ZNF407: variants seen among roughly 807,000 people sequenced by gnomAD.
ZNF407 encodes zinc finger protein 407.
A neutral mutation model predicts 131.2 loss-of-function variants in ZNF407; 17 were observed. That is an observed-to-expected ratio of 0.13 (90% CI 0.09 to 0.19). ZNF407 has a LOEUF of 0.19. ZNF407 is among the 10% of genes least tolerant of loss of function. ZNF407 has a pLI of 1.00. For missense variants in ZNF407, 2,681 were observed against 2,830.6 expected (o/e 0.95, Z 1.20); for synonymous variants, 1,156 against 1,062.0 (o/e 1.09, Z -1.72).
At chr18:74,908,912 T>C (rs1971631466) in intron 7 of ZNF407, among the ~76,000 whole-genome samples, 1 of 152,130 alleles carries the variant, frequency 6.6e-6, no homozygotes, top group African/African-American at 2.4e-5. Context: ...AATTTATAAA[T>C]CATAATTAAT....
At chr18:75,031,097 A>C (rs1973234679) in intron 8 of ZNF407, among the ~76,000 whole-genome samples, 29 of 152,306 alleles carry the variant, frequency 1.9e-4, no homozygotes, top group South Asian at 1.5e-3. Flanking sequence ...CAGTTCACTC[A>C]CCTGCAAGAC....
rs1489370855 is a variant in ZNF407 at position 75,064,210 on chromosome 18, C to T, written c.6489C>T (p.Phe2163=). ...TGGTGCAGGAGTCCAGTGGCGGCTT[C>T]TCCGAGGGCACCACGCACTACATCC... ...QAMVQESSGG[F]SEGTTHYILT... is the part of the protein sequence containing the mutation. The change falls in exon 9 of 9, where the codon TTC becomes TTT. Residue 2163 remains phenylalanine (F), a synonymous_variant. Coordinates refer to ENST00000299687, the MANE Select transcript of ZNF407 (RefSeq NM_017757.3). 3 of 1,605,632 alleles carry T rather than the reference C, an allele frequency of 1.9e-6. No individual in the cohort carries two copies. The highest frequency in any genetic ancestry group is 1.7e-5 in the Admixed American group (1 of 59,144).
intron 4 of ZNF407, among the ~76,000 whole-genome samples, chr18:74,835,669 A>T: frequency 8.6e-6 from 1 of 116,878 alleles, no homozygotes; most frequent in Admixed American, 8.9e-5. Flanking sequence ...TGTGTGTGTA[A>T]ATGGAGAGGG....
At chr18:75,023,015 T>A (rs1005561160) in intron 8 of ZNF407, among the ~76,000 whole-genome samples, 13 of 152,180 alleles carry the variant, frequency 8.5e-5, no homozygotes, top group Admixed American at 8.5e-4. Context: ...ACGAACGAGA[T>A]CATGTCCTTT....
chr18:74,616,400 G>A (rs1332903725), intron 1 of ZNF407, among the ~76,000 whole-genome samples: 1 of 152,082 alleles, frequency 6.6e-6, no homozygotes, highest in Non-Finnish European at 1.5e-5. Context: ...ACTGCTAAGT[G>A]GAGTAAAGGT....
In ZNF407 at chr18:74,632,514, G is replaced by T. The variant is rs754359640; in HGVS notation, c.1495G>T (p.Ala499Ser). The change falls in exon 2 of 9, where the codon GCA becomes TCA. Residue 499 changes from alanine to serine, a missense_variant. Coordinates refer to ENST00000299687, the MANE Select transcript of ZNF407 (RefSeq NM_017757.3). ...VCVTTSETQEAEQGQGSARPP... is the reference protein window; with the variant it reads ...VCVTTSETQESEQGQGSARPP... ...TGTGACTACCTCAGAAACCCAGGAG[G>T]CAGAGCAGGGCCAGGGGAGTGCCCG... 2 of 1,614,018 alleles carry T rather than the reference G, an allele frequency of 1.2e-6. No homozygotes were observed. The highest frequency in any genetic ancestry group is 2.2e-5 in the South Asian group (2 of 91,080).
chr18:74,950,039 G>C (rs1972196303), intron 8 of ZNF407, among the ~76,000 whole-genome samples: 1 of 152,188 alleles, frequency 6.6e-6, no homozygotes, highest in African/African-American at 2.4e-5. Context: ...GAGTGTTTGA[G>C]GCCAAATGGG....
intron 7 of ZNF407, among the ~76,000 whole-genome samples, chr18:74,896,764 T>A (rs1359308469): frequency 6.6e-6 from 1 of 152,196 alleles, no homozygotes. Flanking sequence ...TTTGAGGGGT[T>A]CCCTAACAAA....
At chr18:74,640,966 A>G (rs758462003) in intron 2 of ZNF407, 42 bp from the exon 3 acceptor site, 6 of 1,411,356 alleles carry the variant, frequency 4.3e-6, no homozygotes, top group Non-Finnish European at 6.0e-6. Context: ...TTGGTGATGT[A>G]TTATTCAAAA....
At chr18:74,870,589 G>T (rs1971072787) in intron 4 of ZNF407, among the ~76,000 whole-genome samples, 1 of 152,132 alleles carries the variant, frequency 6.6e-6, no homozygotes, top group Admixed American at 6.5e-5. Flanking sequence ...TAACTTAAAT[G>T]ATCTAGATAT....
intron 3 of ZNF407, among the ~76,000 whole-genome samples, chr18:74,727,704 A>T (rs1968192053): frequency 6.6e-6 from 1 of 152,224 alleles, no homozygotes; most frequent in Non-Finnish European, 1.5e-5. Context: ...GAGCAAAGGT[A>T]TATGCAGATA....
chr18:74,942,500 A>G (rs1972110711), intron 8 of ZNF407, among the ~76,000 whole-genome samples: 1 of 152,088 alleles, frequency 6.6e-6, no homozygotes, highest in Non-Finnish European at 1.5e-5. Context: ...ACAGAAACCC[A>G]AGACTTTCCC....
intron 3 of ZNF407, among the ~76,000 whole-genome samples, chr18:74,650,473 C>T (rs1441629672): frequency 6.6e-6 from 1 of 152,182 alleles, no homozygotes; most frequent in African/African-American, 2.4e-5. Context: ...AACGGAGCAC[C>T]TTTCTGCATC....
chr18:74,639,914 T>A (rs1161172141), intron 2 of ZNF407, among the ~76,000 whole-genome samples: 1 of 152,168 alleles, frequency 6.6e-6, no homozygotes, highest in Non-Finnish European at 1.5e-5. Flanking sequence ...AAAGGTTCAT[T>A]GATCAAATAT....
intron 1 of ZNF407, among the ~76,000 whole-genome samples, chr18:74,628,819 A>G (rs1201896495): frequency 3.4e-4 from 51 of 152,210 alleles, no homozygotes; most frequent in Non-Finnish European, 3.1e-4. Context: ...CACCCAAGCC[A>G]TCCTCCCTCC....
chr18:74,826,972 T>C (rs1970418228), intron 4 of ZNF407, among the ~76,000 whole-genome samples: 3 of 152,238 alleles, frequency 2.0e-5, no homozygotes, highest in Non-Finnish European at 4.4e-5. Context: ...TGTATTTTCT[T>C]TGTCCAGAGA....
At position 74,943,700 on chromosome 18, in the gene ZNF407, A is replaced by G. The variant is rs1352310527; in HGVS notation, c.5428+23008A>G. ...ATGGACTATTTCCCGTGAAGTAACT[A>G]GAATGAAGCCCTTAGTGTGTCGGTT... On this transcript the variant is annotated intron_variant, in intron 8 of 8. Coordinates refer to ENST00000299687, the MANE Select transcript of ZNF407 (RefSeq NM_017757.3). Among the ~76,000 whole-genome samples the G allele has an allele frequency of 2.6e-5, 4 of 152,232 alleles. No homozygotes were observed. In the East Asian group the frequency reaches 5.8e-4, roughly 22 times the overall value.
intron 4 of ZNF407, among the ~76,000 whole-genome samples, chr18:74,844,996 T>C (rs181572951): frequency 1.3e-5 from 2 of 152,356 alleles, no homozygotes; most frequent in East Asian, 3.9e-4. Context: ...CAGGTGATCC[T>C]GATTGATGAT....
At chr18:74,874,439 C>G (rs1319292037) in intron 4 of ZNF407, among the ~76,000 whole-genome samples, 1 of 152,192 alleles carries the variant, frequency 6.6e-6, no homozygotes, top group Non-Finnish European at 1.5e-5. Context: ...TGAATCTAGC[C>G]TAGGGTAAGC....
Sources: allele counts gnomAD v4.1 joint callset (sites outside exome capture counted in the v4.1 genomes callset), GRCh38; gene constraint gnomAD v4.1.1; transcripts MANE v1.5; gene names NCBI Gene and HGNC (gene_info 2026-07-23, HGNC 2026-07-21).